The following HMCN1 variants were observed in gnomAD, a reference collection of about 807,000 sequenced individuals.
HMCN1 encodes the protein hemicentin-1.
A neutral mutation model predicts 625.9 loss-of-function variants in HMCN1; 321 were observed. That is an observed-to-expected ratio of 0.51 (90% confidence interval 0.47 to 0.56). The LOEUF is 0.56. HMCN1 is among the 20% of genes least tolerant of loss of function. The pLI is 0.00. For synonymous variants in HMCN1, 2,425 were observed against 2,417.6 expected, an observed-to-expected ratio of 1.00 and a Z score of -0.09; for missense variants, 6,588 against 6,887.3, an observed-to-expected ratio of 0.96 and a Z score of 1.54.
chr1:185,863,247 T>A (rs1662982425), intron 2 of HMCN1, among the ~76,000 whole-genome samples: 1 of 152,242 alleles, frequency 6.6e-6, no homozygotes, highest in African/African-American at 2.4e-5. Flanking sequence ...CTGCTTTTTA[T>A]GTGATTGCTT....
chr1:185,756,673 A>T (rs1655153181), intron 1 of HMCN1, among the ~76,000 whole-genome samples: 1 of 152,168 alleles, frequency 6.6e-6, no homozygotes, highest in Non-Finnish European at 1.5e-5. Flanking sequence ...TTCATATTTT[A>T]AATGGTAGGA....
At position 186,178,650 on chromosome 1, in the gene HMCN1, A is replaced by G; in HGVS notation, c.16178A>G (p.His5393Arg). The G allele has an allele frequency of 6.2e-7, 1 of 1,614,072 alleles. No homozygotes were observed. Among genetic ancestry groups the G allele is most frequent in the Non-Finnish European group, 8.5e-7 (1 of 1,179,896 alleles). Residue 5393 changes from histidine to arginine, a missense_variant, in exon 104 of 107, where the codon CAT (histidine) becomes CGT (arginine). This residue lies in a region of HMCN1 where 1,954 missense variants were observed against 2,013.1 expected (regional missense o/e 0.97). Coordinates refer to ENST00000271588, the MANE Select transcript of HMCN1 (RefSeq NM_031935.3). ...QPQQHYRQYS[H>R]LYSSYSEYRN... is the part of the protein sequence containing the mutation. Reference sequence around the variant, plus strand: ...CAACAGCATTACAGACAGTACTCACATCTCTACAGCTCCTACTCAGAGTAT... The same window carrying G: ...CAACAGCATTACAGACAGTACTCACGTCTCTACAGCTCCTACTCAGAGTAT...
rs1650280356 is a variant in HMCN1, at chr1:186,145,784, G to T, written c.14469G>T (p.Trp4823Cys). 1.2e-6 allele frequency: 2 copies of T among 1,614,128 alleles called. No homozygotes were observed. Among genetic ancestry groups the T allele is most frequent in the Non-Finnish European group, 1.7e-6 (2 of 1,180,000 alleles). Residue 4823 changes from tryptophan (W) to cysteine (C), a missense_variant, in exon 93 of 107, where the codon TGG (tryptophan) becomes TGT (cysteine). Around this residue, in one of 3 missense-constraint regions of HMCN1, gnomAD observed 1,954 missense variants for 2,013.1 expected, o/e 0.97. Coordinates refer to ENST00000271588, the MANE Select transcript of HMCN1 (RefSeq NM_031935.3). ...GAAGTTGGGGAAGCTGGCATAGTTG[G>T]AGCCAGTGCTCTGCCTCCTGTGGAG... ...VDGSWGSWHS[W>C]SQCSASCGGG...
chr1:185,734,599 C>G lies in HMCN1; in HGVS notation c.-181C>G. The G allele has an allele frequency of 1.5e-6, 1 of 649,960 alleles. No homozygotes were observed. Among genetic ancestry groups the G allele is most frequent in the Non-Finnish European group, 2.7e-6 (1 of 366,908 alleles). The allele number at this position is 649,960 out of a possible 1,614,324, so 40.3% of individuals were successfully genotyped here. A position where few individuals can be genotyped will look rare whatever the true frequency, so the allele number is the denominator to read the frequency against. On this transcript the variant is annotated 5_prime_UTR_variant, in exon 1 of 107. Transcript: ENST00000271588. The stretch of plus-strand genomic sequence containing the variant: ...GCCGCATCCCTGCCCTGCCCAACCC[C>G]TGGAGGGATTCGAGTTTGGTGCTTG...
chr1:185,897,784 G>A (rs1328158423), intron 4 of HMCN1, among the ~76,000 whole-genome samples: 2 of 152,052 alleles, frequency 1.3e-5, no homozygotes, highest in African/African-American at 4.8e-5. Flanking sequence ...GATCCCAAAG[G>A]ATGTTCTCTC....
At chr1:185,949,382 T>C (rs935465306) in intron 11 of HMCN1, among the ~76,000 whole-genome samples, 3 of 151,776 alleles carry the variant, frequency 2.0e-5, no homozygotes, top group Non-Finnish European at 2.9e-5. Flanking sequence ...ATACAGGAGC[T>C]CAAATGGGCT....
chr1:185,862,190 TAGAA>T (rs1662916331), intron 2 of HMCN1, among the ~76,000 whole-genome samples: 1 of 141,212 alleles, frequency 7.1e-6, no homozygotes, highest in African/African-American at 3.2e-5. Context: ...GATAGAAAGA[TAGAA>T]AGATTATTTG....
rs768441829 is a variant in HMCN1, at chr1:186,045,691, C to T, written c.6308C>T (p.Pro2103Leu). The T allele has an allele frequency of 1.0e-4, 167 of 1,612,570 alleles. No individual in the cohort carries two copies. The highest frequency in any genetic ancestry group is 1.1e-4 in the Non-Finnish European group (132 of 1,178,976). The change falls in exon 41 of 107, where the codon CCG (proline) becomes CTG (leucine). Residue 2103 changes from proline to leucine, a missense_variant. Coordinates refer to ENST00000271588, the MANE Select transcript of HMCN1 (RefSeq NM_031935.3). Reference protein sequence around the residue: ...QRDIDLRVYVPPNIMGEEQNV... With the variant: ...QRDIDLRVYVLPNIMGEEQNV... Reference sequence around the variant, plus strand: ...AGAAAACCCATCTTTCATGTAGTTCCGCCAAATATTATGGGAGAAGAACAG... The same window carrying T: ...AGAAAACCCATCTTTCATGTAGTTCTGCCAAATATTATGGGAGAAGAACAG...
intron 36 of HMCN1, among the ~76,000 whole-genome samples, chr1:186,026,956 A>G (rs546857165): frequency 6.6e-6 from 1 of 151,994 alleles, no homozygotes; most frequent in South Asian, 2.1e-4. Flanking sequence ...TTTAATCTCA[A>G]TCTTTATTGA....
chr1:186,183,566 T>C (rs1464500434), intron 105 of HMCN1, among the ~76,000 whole-genome samples: 1 of 152,232 alleles, frequency 6.6e-6, no homozygotes, highest in Non-Finnish European at 1.5e-5. Flanking sequence ...GTTACCTTTT[T>C]CCAAAGCAAC....
chr1:185,902,858 T>C (rs921071940), intron 4 of HMCN1, among the ~76,000 whole-genome samples: 2 of 151,656 alleles, frequency 1.3e-5, no homozygotes, highest in African/African-American at 2.4e-5. Context: ...TTTTTATAAC[T>C]TTTTTCCTTT....
At chr1:185,977,739 C>T in intron 15 of HMCN1, 48 bp from the exon 16 acceptor site, 1 of 1,093,100 alleles carries the variant, frequency 9.1e-7, no homozygotes, top group Non-Finnish European at 1.4e-6. Flanking sequence ...GTTTAATATG[C>T]CTGTATAATA....
intron 10 of HMCN1, among the ~76,000 whole-genome samples, chr1:185,929,755 C>G (rs930458923): frequency 2.0e-5 from 3 of 152,184 alleles, no homozygotes; most frequent in Admixed American, 2.0e-4. Flanking sequence ...GCAAGTCAGA[C>G]AAGCATGTTC....
At chr1:186,009,539 G>A (rs1653859938) in intron 30 of HMCN1, among the ~76,000 whole-genome samples, 1 of 152,042 alleles carries the variant, frequency 6.6e-6, no homozygotes, top group African/African-American at 2.4e-5. Context: ...GAATACATAT[G>A]TAGATTTCAG....
At chr1:186,106,859 G>A (rs1344017075) in intron 69 of HMCN1, 25 bp from the exon 70 acceptor site, 3 of 1,446,466 alleles carry the variant, frequency 2.1e-6, no homozygotes, top group Middle Eastern at 1.7e-4. Context: ...TTAACATTAT[G>A]TAATTCATTA....
At chr1:185,892,254 G>T (rs1665149885) in intron 4 of HMCN1, among the ~76,000 whole-genome samples, 1 of 151,220 alleles carries the variant, frequency 6.6e-6, no homozygotes, top group Non-Finnish European at 1.5e-5. Flanking sequence ...CCTTCGGTTT[G>T]AATGTCCTCC....
chr1:185,992,710 C>A (rs1652511273), intron 22 of HMCN1, among the ~76,000 whole-genome samples: 3 of 152,070 alleles, frequency 2.0e-5, no homozygotes. Flanking sequence ...CCTCCCCTAT[C>A]CTTTAAAACT....
At chr1:185,981,467 T>A (rs976757878) in intron 17 of HMCN1, among the ~76,000 whole-genome samples, 1 of 152,156 alleles carries the variant, frequency 6.6e-6, no homozygotes, top group East Asian at 1.9e-4. Flanking sequence ...GTAAGACATT[T>A]GATGCAATAT....
chr1:185,880,728 A>T (rs1460547755), intron 4 of HMCN1, among the ~76,000 whole-genome samples: 1 of 152,208 alleles, frequency 6.6e-6, no homozygotes, highest in East Asian at 1.9e-4. Flanking sequence ...TGTTGAATGA[A>T]TGTTTGAAGG....
Sources: gnomAD v4.1 joint callset for allele counts (sites outside exome capture counted in the v4.1 genomes callset) on GRCh38, gnomAD v4.1.1 for gene constraint, gnomAD v4.1.1 regional missense constraint, MANE v1.5 for transcripts, NCBI Gene and HGNC (gene_info 2026-07-23, HGNC 2026-07-21) for gene names.